Variants in LTBP1 observed in about 807,000 individuals in gnomAD.
The protein encoded by LTBP1 is latent transforming growth factor beta binding protein 1, also known as latent-transforming growth factor beta-binding protein 1.
LTBP1 carries 129 observed loss-of-function variants against 207.6 expected under a neutral mutation model. That is an observed-to-expected ratio of 0.62 (90% confidence interval 0.54 to 0.72). LTBP1 has a LOEUF of 0.72. LTBP1 is among the 30% of genes least tolerant of loss of function. The pLI is 0.00. For synonymous variants in LTBP1, 963 were observed against 833.7 expected (o/e 1.16, Z -2.67); for missense variants, 2,281 against 2,217.2 (o/e 1.03, Z -0.58).
intron 3 of LTBP1, among the ~76,000 whole-genome samples, chr2:33,031,722 T>A (rs1235557925): frequency 1.3e-5 from 2 of 152,172 alleles, no homozygotes. Flanking sequence ...GTTGGGGAAT[T>A]GATCTCTTTG....
chr2:33,198,899 T>G, intron 7 of LTBP1, among the ~76,000 whole-genome samples: 1 of 152,258 alleles, frequency 6.6e-6, no homozygotes, highest in Non-Finnish European at 1.5e-5. Flanking sequence ...TCTATTTCTT[T>G]GAGTTCTGCT....
At chr2:33,266,729 G>A (rs1344953414) in intron 15 of LTBP1, among the ~76,000 whole-genome samples, 3 of 152,086 alleles carry the variant, frequency 2.0e-5, no homozygotes, top group Non-Finnish European at 4.4e-5. Context: ...CCGCAGAAAG[G>A]AGCTACCCAC....
chr2:33,097,376 C>T (rs2079455316), intron 3 of LTBP1, among the ~76,000 whole-genome samples: 1 of 152,062 alleles, frequency 6.6e-6, no homozygotes, highest in Non-Finnish European at 1.5e-5. Flanking sequence ...TCTTGTATCC[C>T]AGCATTGTAT....
At chr2:33,122,870 G>T (rs185389249) in intron 4 of LTBP1, among the ~76,000 whole-genome samples, 1 of 152,114 alleles carries the variant, frequency 6.6e-6, no homozygotes, top group Non-Finnish European at 1.5e-5. Context: ...GTACACAACC[G>T]CAGTTGAACA....
At chr2:33,349,064 T>C (rs1244751781) in intron 26 of LTBP1, among the ~76,000 whole-genome samples, 1 of 152,280 alleles carries the variant, frequency 6.6e-6, no homozygotes, top group African/African-American at 2.4e-5. Context: ...TTCATCAGAG[T>C]CAATAATTGA....
At position 33,315,207 on chromosome 2, in the gene LTBP1, G is replaced by A. The variant is rs779937341; in HGVS notation, c.3668G>A (p.Gly1223Asp). ...CAAGGGGAGTGCCTAAACACAGAGG[G>A]TTCTTTCCATTGTGTCTGCCAGCAG... ...GPQGECLNTEGSFHCVCQQGF... is the reference protein window; with the variant it reads ...GPQGECLNTEDSFHCVCQQGF... The change falls in exon 24 of 34, where the codon GGT becomes GAT. Residue 1223 changes from glycine (G) to aspartate (D), a missense_variant. Physicochemically the swap from Gly to Asp is moderately conservative, Grantham distance 94 (BLOSUM62 -1). This residue lies in a region of LTBP1 where 1,671 missense variants were observed against 1,634.8 expected (regional missense o/e 1.02). Coordinates refer to ENST00000404816, the MANE Select transcript of LTBP1 (RefSeq NM_206943.4). 5 of 1,613,588 alleles carry A rather than the reference G, an allele frequency of 3.1e-6. No individual in the cohort carries two copies. In the Admixed American group the frequency reaches 6.7e-5, roughly 22 times the overall value.
chr2:33,276,186 T>G (rs192540759), intron 18 of LTBP1, among the ~76,000 whole-genome samples: 307 of 152,318 alleles, frequency 2.0e-3, no homozygotes, highest in Non-Finnish European at 2.7e-3. Context: ...GAATGATTAA[T>G]TGCATCATAT....
intron 22 of LTBP1, among the ~76,000 whole-genome samples, 194 bp from the exon 23 acceptor site, chr2:33,309,240 G>A (rs556724221): frequency 1.4e-5 from 2 of 146,888 alleles, no homozygotes; most frequent in South Asian, 2.1e-4. Context: ...CCAAGATAGC[G>A]CCACTGCACT....
At chr2:33,182,451 A>C (rs2086734456) in intron 5 of LTBP1, among the ~76,000 whole-genome samples, 1 of 151,806 alleles carries the variant, frequency 6.6e-6, no homozygotes, top group Non-Finnish European at 1.5e-5. Context: ...TGATGAAGTC[A>C]GGAGATCGAA....
At chr2:33,325,041 A>G (rs2094409276) in intron 24 of LTBP1, among the ~76,000 whole-genome samples, 1 of 152,226 alleles carries the variant, frequency 6.6e-6, no homozygotes, top group African/African-American at 2.4e-5. Context: ...TAAATCATAT[A>G]GAATATAGTG....
chr2:33,173,587 C>A (rs1439778358), intron 5 of LTBP1, among the ~76,000 whole-genome samples: 2 of 150,840 alleles, frequency 1.3e-5, no homozygotes, highest in African/African-American at 4.9e-5. Context: ...CAAGGAGGAA[C>A]TGGTACCATT....
intron 8 of LTBP1, among the ~76,000 whole-genome samples, chr2:33,220,426 C>A (rs1454150360): frequency 6.6e-6 from 1 of 152,156 alleles, no homozygotes; most frequent in Non-Finnish European, 1.5e-5. Context: ...TACAGAAAGA[C>A]CTTTCATTGT....
Position 33,315,215 on chromosome 2 carries a change from C to G in LTBP1, c.3676C>G (p.His1226Asp). 1 of 1,613,712 alleles carries G rather than the reference C, an allele frequency of 6.2e-7. No individual in the cohort carries two copies. The change falls in exon 24 of 34, where the codon CAT becomes GAT. Residue 1226 changes from histidine to aspartate, a missense_variant. Physicochemically the swap from His to Asp is moderately conservative, Grantham distance 81. This residue lies in a region of LTBP1 where 1,671 missense variants were observed against 1,634.8 expected (regional missense o/e 1.02). Transcript: ENST00000404816. ...GECLNTEGSF[H>D]CVCQQGFSIS... Reference sequence around the variant, plus strand: ...GTGCCTAAACACAGAGGGTTCTTTCCATTGTGTCTGCCAGCAGGGTTTCTC... The same window carrying G: ...GTGCCTAAACACAGAGGGTTCTTTCGATTGTGTCTGCCAGCAGGGTTTCTC...
rs1309750692 is a variant in LTBP1, at chr2:33,084,158, G to A, written c.864-26424G>A. Among the ~76,000 whole-genome samples, 3 of 152,084 alleles carry A rather than the reference G, an allele frequency of 2.0e-5. No individual in the cohort carries two copies. The East Asian group carries it at 5.8e-4, about 29-fold the overall frequency. ...TAGCAGACAAAGAAGGCTTTTGTGGGATAAAAAAAACACGGAAAGTTTCTT... is the reference window on the plus strand; with the variant it reads ...TAGCAGACAAAGAAGGCTTTTGTGGAATAAAAAAAACACGGAAAGTTTCTT... On this transcript the variant is annotated intron_variant, in intron 3 of 33. Coordinates refer to ENST00000404816, the MANE Select transcript of LTBP1 (RefSeq NM_206943.4).
intron 3 of LTBP1, among the ~76,000 whole-genome samples, chr2:33,032,196 T>C (rs914995576): frequency 1.3e-5 from 2 of 152,330 alleles, no homozygotes; most frequent in South Asian, 2.1e-4. Flanking sequence ...GGGGATATCA[T>C]TGAAGGCTTC....
chr2:33,238,537 A>T (rs1179526865), intron 9 of LTBP1, among the ~76,000 whole-genome samples: 3 of 152,236 alleles, frequency 2.0e-5, no homozygotes, highest in African/African-American at 7.2e-5. Flanking sequence ...ACTACAAGTA[A>T]CCTTGGGGAT....
At chr2:33,205,736 T>C (rs1342834954) in intron 7 of LTBP1, among the ~76,000 whole-genome samples, 1 of 152,190 alleles carries the variant, frequency 6.6e-6, no homozygotes, top group Non-Finnish European at 1.5e-5. Context: ...AATTCATATG[T>C]TGAAGCCCCA....
At chr2:33,333,609 TATTTGG>T (rs2094521602) in intron 24 of LTBP1, among the ~76,000 whole-genome samples, 1 of 151,852 alleles carries the variant, frequency 6.6e-6, no homozygotes. Context: ...AGCAAGTTGG[TATTTGG>T]TGACACTATT....
intron 9 of LTBP1, among the ~76,000 whole-genome samples, chr2:33,243,308 TA>T (rs2092398291): frequency 6.6e-6 from 1 of 152,232 alleles, no homozygotes; most frequent in Non-Finnish European, 1.5e-5. Flanking sequence ...TATGTATAGT[TA>T]GACTGTCAGT....
Sources: gnomAD v4.1 joint callset for allele counts (sites outside exome capture counted in the v4.1 genomes callset) on GRCh38, gnomAD v4.1.1 for gene constraint, gnomAD v4.1.1 regional missense constraint, MANE v1.5 for transcripts, NCBI Gene and HGNC (gene_info 2026-07-23, HGNC 2026-07-21) for gene names.